The following SLC35A3 variants were observed in gnomAD, a reference collection of about 807,000 sequenced individuals.
SLC35A3 encodes UDP-N-acetylglucosamine transporter.
Under a neutral mutation model 39.0 loss-of-function variants are expected in SLC35A3, and 26 were observed. The ratio of observed to expected loss-of-function variants is 0.67; its 90% confidence interval spans 0.49 to 0.92. The LOEUF (loss-of-function observed/expected upper bound fraction) is 0.92, where lower values mean the gene tolerates loss of function less well. Ranked by LOEUF, SLC35A3 falls within the 40% of genes least tolerant of loss-of-function variation. SLC35A3 has a pLI of 0.00. For missense variants in SLC35A3, 299 were observed against 371.6 expected (o/e 0.80, Z 1.61); for synonymous variants, 135 against 133.1 (o/e 1.01, Z -0.10).
At chr1:100,018,228 C>T (rs559502045) in intron 7 of SLC35A3, among the ~76,000 whole-genome samples, 1 of 152,232 alleles carries the variant, frequency 6.6e-6, no homozygotes, top group Admixed American at 6.5e-5. Context: ...GAAGAGCAAT[C>T]TGGAAAGGAA....
chr1:99,996,510 A>T (rs1259574014), intron 2 of SLC35A3, among the ~76,000 whole-genome samples: 1 of 152,200 alleles, frequency 6.6e-6, no homozygotes, highest in African/African-American at 2.4e-5. Flanking sequence ...ACACAATTTC[A>T]CTGCCCTCAA....
At chr1:99,972,065 A>T (rs766365598) in intron 1 of SLC35A3, among the ~76,000 whole-genome samples, 1 of 151,556 alleles carries the variant, frequency 6.6e-6, no homozygotes, top group Non-Finnish European at 1.5e-5. Flanking sequence ...CACCCAGCCA[A>T]TTTTTTTGTA....
chr1:100,009,709 AG>A (rs1032574914), intron 4 of SLC35A3: 7 of 152,266 alleles, frequency 4.6e-5, no homozygotes, highest in Admixed American at 2.6e-4. Flanking sequence ...TTCCAAGGGA[AG>A]AATCAGTATG....
chr1:99,973,115 G>T (rs1656915995), intron 1 of SLC35A3, among the ~76,000 whole-genome samples: 1 of 152,224 alleles, frequency 6.6e-6, no homozygotes, highest in Non-Finnish European at 1.5e-5. Flanking sequence ...CAGTAGCCAT[G>T]AAATATAACT....
At position 100,030,301 on chromosome 1, in the gene SLC35A3, C is replaced by T. The variant is rs1412295576; in HGVS notation, c.*7825C>T. 1 of 152,146 alleles carries T rather than the reference C, an allele frequency of 6.6e-6. No individual in the cohort carries two copies. Among genetic ancestry groups the T allele is most frequent in the Non-Finnish European group, 1.5e-5 (1 of 68,030 alleles). 9.4% of individuals were successfully genotyped at this position (152,146 alleles called of 1,614,324 possible). A position where few individuals can be genotyped will look rare whatever the true frequency, so the allele number is the denominator to read the frequency against. On this transcript the variant is annotated 3_prime_UTR_variant, in exon 8 of 8. Coordinates refer to ENST00000533028, the MANE Select transcript of SLC35A3 (RefSeq NM_012243.3). ...CTCATTTTAAAGGTAGAACTCACTGCAGGTTTAAAAGAATAATGAATATTG... is the reference window on the plus strand; with the variant it reads ...CTCATTTTAAAGGTAGAACTCACTGTAGGTTTAAAAGAATAATGAATATTG...
rs967504177 is a variant in SLC35A3 at position 100,015,713 on chromosome 1, A to G, written c.753+293A>G. 5.3e-5 allele frequency: 17 copies of G among 321,770 alleles called. No individual in the cohort carries two copies. The South Asian group carries it at 9.7e-4, about 18-fold the overall frequency. 19.9% of individuals were successfully genotyped at this position (321,770 alleles called of 1,614,324 possible). ...GCAAATATAACTTTTGATTTTTACAAGTCTTATCATTGTACAGGAAGTCTG... is the reference window on the plus strand; with the variant it reads ...GCAAATATAACTTTTGATTTTTACAGGTCTTATCATTGTACAGGAAGTCTG... On this transcript the variant is annotated intron_variant, in intron 6 of 7. Coordinates refer to ENST00000533028, the MANE Select transcript of SLC35A3 (RefSeq NM_012243.3).
rs1176598016 is a variant in SLC35A3 at position 100,011,427 on chromosome 1, C to T, written c.528C>T (p.Leu176=). The T allele has an allele frequency of 1.3e-6, 2 of 1,581,646 alleles. No individual in the cohort carries two copies. Among genetic ancestry groups the T allele is most frequent in the African/African-American group, 2.7e-5 (2 of 74,188 alleles). Reference sequence around the variant, plus strand: ...CAGCTGGTTCTCAATTTGTAGGACTCATGGCAGTTCTCACAGCATGTTTTT... The same window carrying T: ...CAGCTGGTTCTCAATTTGTAGGACTTATGGCAGTTCTCACAGCATGTTTTT... ...ELSAGSQFVG[L]MAVLTACFSS... is the part of the protein sequence containing the mutation. The change falls in exon 5 of 8, where the codon CTC becomes CTT. Residue 176 remains leucine, a synonymous_variant. Coordinates refer to ENST00000533028, the MANE Select transcript of SLC35A3 (RefSeq NM_012243.3).
chr1:100,030,095 G>C lies in SLC35A3; in HGVS notation c.*7619G>C, dbSNP rs1251186979. 6.6e-6 allele frequency: 1 copy of C among 152,156 alleles called. No individual in the cohort carries two copies. The highest frequency in any genetic ancestry group is 1.9e-4 in the East Asian group (1 of 5,198). The allele number at this position is 152,156 out of a possible 1,614,324, so 9.4% of individuals were successfully genotyped here. Reference sequence around the variant, plus strand: ...AGTTGTTATTTTGGCTCACAGTAGGGCTTCACTAGTGTTAGGATCACATTT... The same window carrying C: ...AGTTGTTATTTTGGCTCACAGTAGGCCTTCACTAGTGTTAGGATCACATTT... On this transcript the variant is annotated 3_prime_UTR_variant, in exon 8 of 8. Transcript: ENST00000533028.
chr1:99,987,839 G>A (rs1657835684), intron 1 of SLC35A3, among the ~76,000 whole-genome samples: 1 of 152,120 alleles, frequency 6.6e-6, no homozygotes, highest in African/African-American at 2.4e-5. Flanking sequence ...TTGGACTCAT[G>A]GAAAAGATAG....
At chr1:99,971,310 C>CT (rs768562377) in intron 1 of SLC35A3, among the ~76,000 whole-genome samples, 2,930 of 141,122 alleles carry the variant, frequency 0.021, 69 homozygotes, top group African/African-American at 0.057. Flanking sequence ...CAATATGATT[C>CT]TTTTTTTTTT....
intron 4 of SLC35A3, 66 bp from the exon 5 acceptor site, chr1:100,011,299 C>A (rs1192680444): frequency 3.9e-6 from 3 of 761,666 alleles, no homozygotes; most frequent in African/African-American, 3.6e-5. Context: ...TAAGAGTGGG[C>A]TCTCAATATG....
intron 1 of SLC35A3, among the ~76,000 whole-genome samples, chr1:99,976,289 T>G (rs1011675774): frequency 3.3e-5 from 5 of 152,216 alleles, no homozygotes; most frequent in African/African-American, 1.2e-4. Flanking sequence ...CTTCTAAGAC[T>G]GTAGGTTTAC....
At chr1:99,973,238 T>G (rs1365992689) in intron 1 of SLC35A3, among the ~76,000 whole-genome samples, 2 of 152,196 alleles carry the variant, frequency 1.3e-5, no homozygotes, top group East Asian at 3.8e-4. Context: ...TAGAGTAAGT[T>G]ATAGACCTGT....
chr1:100,026,861 G>A lies in SLC35A3; in HGVS notation c.*4385G>A, dbSNP rs1194659384. 3 of 243,348 alleles carry A rather than the reference G, an allele frequency of 1.2e-5. No individual in the cohort carries two copies. Among genetic ancestry groups the A allele is most frequent in the Non-Finnish European group, 2.3e-5 (3 of 129,138 alleles). The allele number at this position is 243,348 out of a possible 1,614,324, so 15.1% of individuals were successfully genotyped here. On this transcript the variant is annotated 3_prime_UTR_variant, in exon 8 of 8. Transcript: ENST00000533028. ...ATAATTCAAAGGAATGTATAAATTGGTCTTTTGTTAAATGGCTTTTTAATT... is the reference window on the plus strand; with the variant it reads ...ATAATTCAAAGGAATGTATAAATTGATCTTTTGTTAAATGGCTTTTTAATT...
At chr1:100,009,507 CT>C (rs1207255531) in intron 4 of SLC35A3, 8 of 152,188 alleles carry the variant, frequency 5.3e-5, no homozygotes, top group Admixed American at 5.2e-4. Context: ...TTAGGCTTGA[CT>C]GCTTTTGGCT....
Position 100,034,738 on chromosome 1 carries a change from G to A in SLC35A3, c.*12262G>A, listed in dbSNP as rs1320876834. 6.6e-6 allele frequency: 1 copy of A among 151,814 alleles called. No homozygotes were observed. The highest frequency in any genetic ancestry group is 2.4e-5 in the African/African-American group (1 of 41,318). The allele number at this position is 151,814 out of a possible 1,614,324, so 9.4% of individuals were successfully genotyped here. ...TAATAAATTGTGCATGGTGGGGGTG[G>A]GATTTGGATTCTGTGATACAATCTT... On this transcript the variant is annotated 3_prime_UTR_variant, in exon 8 of 8. Coordinates refer to ENST00000533028, the MANE Select transcript of SLC35A3 (RefSeq NM_012243.3).
chr1:99,998,992 T>A (rs1658581673), intron 2 of SLC35A3, among the ~76,000 whole-genome samples: 1 of 152,170 alleles, frequency 6.6e-6, no homozygotes, highest in African/African-American at 2.4e-5. Context: ...TAAATATGTG[T>A]TTGTATGTGT....
chr1:100,030,964 T>C lies in SLC35A3; in HGVS notation c.*8488T>C, dbSNP rs188622471. 26 of 152,306 alleles carry C rather than the reference T, an allele frequency of 1.7e-4. No individual in the cohort carries two copies. In the East Asian group the frequency reaches 3.9e-3, roughly 23 times the overall value. The allele number at this position is 152,306 out of a possible 1,614,324, so 9.4% of individuals were successfully genotyped here. On this transcript the variant is annotated 3_prime_UTR_variant, in exon 8 of 8. Transcript: ENST00000533028. ...TCATTTTATAACTGTTCCAGTCATA[T>C]TGCTATGAATTCTAGAATTTTAAAA...
In SLC35A3 at chr1:99,970,471, T is replaced by TGGTGCGTGCGGAGCTAGTGACG. The variant is rs1553197698; in HGVS notation, c.-19+314_-19+335dup. ...AGACGGCAGTGTGTGCCTCAGCGCC[T>TGGTGCGTGCGGAGCTAGTGACG]GGTGCGTGCGGAGCTAGTGACGGGT... is the stretch of plus-strand genomic sequence containing the variant. On this transcript the variant is annotated intron_variant, in intron 1 of 7. Transcript: ENST00000533028. 13 of 1,144,422 alleles carry TGGTGCGTGCGGAGCTAGTGACG rather than the reference T, an allele frequency of 1.1e-5. No individual in the cohort carries two copies. In the Admixed American group the frequency reaches 1.9e-4, roughly 17 times the overall value. The allele number at this position is 1,144,422 out of a possible 1,614,324, so 70.9% of individuals were successfully genotyped here.
Sources: allele counts gnomAD v4.1 joint callset (sites outside exome capture counted in the v4.1 genomes callset), GRCh38; gene constraint gnomAD v4.1.1; transcripts MANE v1.5; gene names NCBI Gene and HGNC (gene_info 2026-07-23, HGNC 2026-07-21).